The following EYS variants were observed in gnomAD, a reference collection of about 807,000 sequenced individuals.
EYS encodes the protein EGF-like photoreceptor maintenance factor, also known as protein eyes shut homolog.
EYS carries 250 observed loss-of-function variants against 282.1 expected under a neutral mutation model. The ratio of observed to expected loss-of-function variants is 0.89; its 90% CI spans 0.80 to 0.98. The LOEUF is 0.98. Among genes scored for constraint, EYS ranks in the 50% least tolerant of loss-of-function variants. EYS has a pLI of 0.00. For missense variants in EYS, 4,016 were observed against 3,709.0 expected, an observed-to-expected ratio of 1.08 and a Z score of -2.15; for synonymous variants, 1,355 against 1,282.9, an observed-to-expected ratio of 1.06 and a Z score of -1.20.
At chr6:64,362,397 A>C (rs2150409311) in intron 29 of EYS, among the ~76,000 whole-genome samples, 1 of 151,922 alleles carries the variant, frequency 6.6e-6, no homozygotes, top group Non-Finnish European at 1.5e-5. Flanking sequence ...GAAAGGGTCT[A>C]AATAATTTTT....
intron 22 of EYS, among the ~76,000 whole-genome samples, chr6:64,674,228 G>A (rs1419502747): frequency 6.6e-5 from 10 of 151,882 alleles, no homozygotes; most frequent in Admixed American, 6.6e-4. Context: ...AAATATCCTT[G>A]GAATGCTTTA....
At chr6:63,956,337 C>T (rs1765820001) in intron 35 of EYS, among the ~76,000 whole-genome samples, 1 of 152,074 alleles carries the variant, frequency 6.6e-6, no homozygotes, top group Non-Finnish European at 1.5e-5. Flanking sequence ...CCGCCCCTGC[C>T]TGCCAGAAAC....
At chr6:65,615,390 A>T (rs933679700) in intron 2 of EYS, among the ~76,000 whole-genome samples, 1 of 146,390 alleles carries the variant, frequency 6.8e-6, no homozygotes, top group Admixed American at 7.0e-5. Flanking sequence ...ATTTATTTAT[A>T]TATATATATA....
At chr6:64,493,697 G>A (rs557986857) in intron 26 of EYS, among the ~76,000 whole-genome samples, 4 of 151,346 alleles carry the variant, frequency 2.6e-5, no homozygotes, top group South Asian at 4.2e-4. Context: ...TGTGCACAAC[G>A]TGCAGGTTTG....
At chr6:64,784,764 G>GA (rs1554202994) in intron 22 of EYS, among the ~76,000 whole-genome samples, 1 of 151,626 alleles carries the variant, frequency 6.6e-6, no homozygotes, top group Non-Finnish European at 1.5e-5. Flanking sequence ...AAATTCTCGG[G>GA]TTTTTTTTCC....
In EYS at chr6:64,626,216, C is replaced by T. The variant is rs1346175770; in HGVS notation, c.3473G>A (p.Cys1158Tyr). The T allele has an allele frequency of 3.9e-6, 6 of 1,530,694 alleles. No homozygotes were observed. The East Asian group carries it at 9.9e-5, about 25-fold the overall frequency. 94.8% of individuals were successfully genotyped at this position (1,530,694 alleles called of 1,614,324 possible). A position where few individuals can be genotyped will look rare whatever the true frequency, so the allele number is the denominator to read the frequency against. ...AGAGCATTCATTTATATTAATTTCACAAAATTGACCAGAAAATCCAGGAAG... is the reference window on the plus strand; with the variant it reads ...AGAGCATTCATTTATATTAATTTCATAAAATTGACCAGAAAATCCAGGAAG... ...RCLPGFSGQF[C>Y]EININECSSS... is the part of the protein sequence containing the mutation. The change falls in exon 23 of 43, where the codon TGT becomes TAT. Residue 1158 changes from cysteine to tyrosine, a missense_variant. Physicochemically the swap from Cys to Tyr is radical, Grantham distance 194 (BLOSUM62 -2). Coordinates refer to ENST00000503581, the MANE Select transcript of EYS (RefSeq NM_001142800.2).
chr6:65,072,550 AG>A (rs1773931335), intron 12 of EYS, among the ~76,000 whole-genome samples: 2 of 151,928 alleles, frequency 1.3e-5, no homozygotes, highest in African/African-American at 4.8e-5. Context: ...AGTGAATGAA[AG>A]TTTCTAAAAT....
intron 13 of EYS, among the ~76,000 whole-genome samples, chr6:65,006,639 G>C (rs776880549): frequency 6.6e-6 from 1 of 152,084 alleles, no homozygotes; most frequent in Non-Finnish European, 1.5e-5. Flanking sequence ...TTCCTAATGG[G>C]GGATTTAAAT....
At chr6:64,766,114 G>T (rs886226507) in intron 22 of EYS, among the ~76,000 whole-genome samples, 1 of 151,204 alleles carries the variant, frequency 6.6e-6, no homozygotes, top group Non-Finnish European at 1.5e-5. Context: ...TTTTAGTAGA[G>T]ATGGGGTTTC....
chr6:65,377,339 A>G (rs577955185), intron 8 of EYS, among the ~76,000 whole-genome samples: 1 of 152,286 alleles, frequency 6.6e-6, no homozygotes, highest in South Asian at 2.1e-4. Flanking sequence ...ATGAAAACAG[A>G]CAACGTACCA....
At chr6:64,508,990 A>G (rs1232793254) in intron 26 of EYS, among the ~76,000 whole-genome samples, 1 of 152,050 alleles carries the variant, frequency 6.6e-6, no homozygotes, top group Non-Finnish European at 1.5e-5. Context: ...AAACAGATCA[A>G]CAAAATATTA....
intron 31 of EYS, among the ~76,000 whole-genome samples, chr6:64,194,943 C>T (rs190346317): frequency 2.8e-3 from 425 of 152,180 alleles, no homozygotes; most frequent in African/African-American, 9.9e-3. Context: ...AATTTGCATG[C>T]CTAACTCGTG....
At chr6:64,636,855 G>A (rs1768000008) in intron 22 of EYS, among the ~76,000 whole-genome samples, 3 of 140,768 alleles carry the variant, frequency 2.1e-5, no homozygotes, top group South Asian at 2.5e-4. Flanking sequence ...ATCATCACTG[G>A]CCATCAGAGA....
intron 31 of EYS, among the ~76,000 whole-genome samples, chr6:64,178,932 A>T (rs1224260548): frequency 2.0e-5 from 3 of 151,604 alleles, no homozygotes; most frequent in Admixed American, 6.6e-5. Flanking sequence ...TTTTTTTCTT[A>T]CTTTTCTGCT....
intron 2 of EYS, among the ~76,000 whole-genome samples, chr6:65,537,395 T>C (rs1295127244): frequency 6.6e-6 from 1 of 152,152 alleles, no homozygotes; most frequent in African/African-American, 2.4e-5. Flanking sequence ...AGTATGTGTA[T>C]ATGTAAATTA....
intron 26 of EYS, among the ~76,000 whole-genome samples, chr6:64,570,577 G>A (rs1387831611): frequency 6.6e-6 from 1 of 152,042 alleles, no homozygotes; most frequent in Non-Finnish European, 1.5e-5. Flanking sequence ...AAAATAAAGA[G>A]ATGGAGAAAT....
chr6:63,941,706 T>A (rs1765245993), intron 35 of EYS, among the ~76,000 whole-genome samples: 1 of 152,192 alleles, frequency 6.6e-6, no homozygotes, highest in Non-Finnish European at 1.5e-5. Context: ...GATAAGCTAA[T>A]GCTACTGTTT....
At chr6:64,373,999 G>A (rs1772479802) in intron 29 of EYS, among the ~76,000 whole-genome samples, 1 of 151,938 alleles carries the variant, frequency 6.6e-6, no homozygotes, top group African/African-American at 2.4e-5. Flanking sequence ...CCTTCCAGGT[G>A]CTTCTAGCTG....
chr6:64,872,983 G>A (rs9354180), intron 19 of EYS, among the ~76,000 whole-genome samples: 23,601 of 151,970 alleles, frequency 0.16, 2,159 homozygotes, highest in East Asian at 0.49. Flanking sequence ...ACTAAGAGAT[G>A]AAATGCTAAA....
Sources: gnomAD v4.1 joint callset for allele counts (sites outside exome capture counted in the v4.1 genomes callset) on GRCh38, gnomAD v4.1.1 for gene constraint, MANE v1.5 for transcripts, NCBI Gene and HGNC (gene_info 2026-07-23, HGNC 2026-07-21) for gene names.